RPSA2: variants seen among roughly 807,000 people sequenced by gnomAD.
The protein encoded by RPSA2 is ribosomal protein SA 2.
chr19:23,865,094 G>A, the RPSA2 span, among the ~76,000 whole-genome samples: 2 of 152,214 alleles, frequency 1.3e-5, no homozygotes, highest in Admixed American at 6.5e-5. Context: ...GGAAGTGAAC[G>A]AGGAAGATCT....
the RPSA2 span, among the ~76,000 whole-genome samples, chr19:23,849,231 C>T: frequency 6.6e-6 from 1 of 152,186 alleles, no homozygotes; most frequent in Non-Finnish European, 1.5e-5. Flanking sequence ...AAGCAGAATG[C>T]TTGAATCTAC....
chr19:23,848,433 A>G, the RPSA2 span, among the ~76,000 whole-genome samples: 4 of 152,232 alleles, frequency 2.6e-5, no homozygotes, highest in Admixed American at 2.6e-4. Flanking sequence ...ACTACAATGG[A>G]GCCCCTGGTA....
At chr19:23,851,013 CA>C in the RPSA2 span, among the ~76,000 whole-genome samples, 1 of 152,114 alleles carries the variant, frequency 6.6e-6, no homozygotes, top group African/African-American at 2.4e-5. Context: ...CTTACATATC[CA>C]GGGGCATTGT....
At chr19:23,792,591 G>GTTTT in the RPSA2 span, among the ~76,000 whole-genome samples, 2 of 144,242 alleles carry the variant, frequency 1.4e-5, no homozygotes, top group Non-Finnish European at 3.0e-5. Context: ...TTTTGTTTTT[G>GTTTT]TTTTTTTTTT....
the RPSA2 span, among the ~76,000 whole-genome samples, chr19:23,811,176 C>T: frequency 7.9e-5 from 12 of 151,960 alleles, 1 homozygote; most frequent in South Asian, 1.9e-3. Flanking sequence ...CCGCCACCAC[C>T]CAGCTAAATT....
At chr19:23,861,188 G>A in the RPSA2 span, among the ~76,000 whole-genome samples, 2 of 152,248 alleles carry the variant, frequency 1.3e-5, no homozygotes, top group African/African-American at 2.4e-5. Context: ...GCAAAACCTT[G>A]ATTTTCTATG....
chr19:23,807,828 A>C, the RPSA2 span: 9 of 408,322 alleles, frequency 2.2e-5, no homozygotes, highest in Non-Finnish European at 4.4e-5. Context: ...TTTTCCAGGG[A>C]CTCTTGACGT....
the RPSA2 span, among the ~76,000 whole-genome samples, chr19:23,852,523 G>C: frequency 6.6e-6 from 1 of 152,208 alleles, no homozygotes; most frequent in African/African-American, 2.4e-5. Flanking sequence ...TAAGGAAAAC[G>C]AAAGGATGGG....
At chr19:23,817,070 T>C in the RPSA2 span, among the ~76,000 whole-genome samples, 1 of 152,238 alleles carries the variant, frequency 6.6e-6, no homozygotes, top group African/African-American at 2.4e-5. Flanking sequence ...TCTATGTTTT[T>C]CAGTTTGTTA....
chr19:23,794,323 T>C, the RPSA2 span, among the ~76,000 whole-genome samples: 1 of 152,218 alleles, frequency 6.6e-6, no homozygotes, highest in Non-Finnish European at 1.5e-5. Context: ...TTAACAGCAG[T>C]GTATAAGTAT....
chr19:23,797,106 T>C, the RPSA2 span, among the ~76,000 whole-genome samples: 1 of 141,706 alleles, frequency 7.1e-6, no homozygotes, highest in African/African-American at 2.5e-5. Flanking sequence ...TTTTTATTTA[T>C]ATTTATTTAT....
chr19:23,761,930 T>TCCTTCCTTCCTTC, the RPSA2 span, among the ~76,000 whole-genome samples: 8 of 127,438 alleles, frequency 6.3e-5, 2 homozygotes, highest in Non-Finnish European at 6.5e-5. Flanking sequence ...CTTTTTTTTT[T>TCCTTCCTTCCTTC]TTTTTGAGAT....
the RPSA2 span, among the ~76,000 whole-genome samples, chr19:23,840,653 A>G: frequency 6.6e-6 from 1 of 152,182 alleles, no homozygotes; most frequent in African/African-American, 2.4e-5. Context: ...ATTTAGATAC[A>G]CTATTAGAAA....
chr19:23,832,901 G>A, the RPSA2 span: 235 of 1,557,120 alleles, frequency 1.5e-4, no homozygotes, highest in Non-Finnish European at 1.9e-4. Context: ...TGTGAGGAAC[G>A]TGGCAAATCT....
the RPSA2 span, among the ~76,000 whole-genome samples, chr19:23,858,578 A>G: frequency 6.6e-6 from 1 of 152,210 alleles, no homozygotes; most frequent in Non-Finnish European, 1.5e-5. Context: ...AAAAAGCAAC[A>G]CACAAATTAT....
chr19:23,785,420 G>T, the RPSA2 span, among the ~76,000 whole-genome samples: 1 of 151,994 alleles, frequency 6.6e-6, no homozygotes, highest in Admixed American at 6.6e-5. Context: ...CAGTCACCTA[G>T]GAGATGTGAC....
At chr19:23,812,279 A>G in the RPSA2 span, among the ~76,000 whole-genome samples, 1 of 152,080 alleles carries the variant, frequency 6.6e-6, no homozygotes, top group African/African-American at 2.4e-5. Context: ...TAAATGGGCC[A>G]TATGTCTATC....
the RPSA2 span, among the ~76,000 whole-genome samples, chr19:23,854,781 T>A: frequency 2.0e-5 from 3 of 152,248 alleles, no homozygotes; most frequent in Non-Finnish European, 4.4e-5. Context: ...CCAGTTTGAT[T>A]GCCATCCTTC....
chr19:23,845,419 A>T, the RPSA2 span, among the ~76,000 whole-genome samples: 2 of 151,658 alleles, frequency 1.3e-5, no homozygotes, highest in Non-Finnish European at 2.9e-5. Context: ...TTAGTACTAT[A>T]TTTGATGTAT....
Sources: allele counts gnomAD v4.1 joint callset (sites outside exome capture counted in the v4.1 genomes callset), GRCh38; gene constraint gnomAD v4.1.1; transcripts MANE v1.5; gene names NCBI Gene and HGNC (gene_info 2026-07-23, HGNC 2026-07-21).